The following ZSWIM8 variants were observed in gnomAD, a reference collection of about 807,000 sequenced individuals.
ZSWIM8 encodes the protein zinc finger SWIM-type containing 8.
A neutral mutation model predicts 173.7 loss-of-function variants in ZSWIM8; 27 were observed. That is an observed-to-expected ratio of 0.16 (90% confidence interval 0.11 to 0.21). The LOEUF (loss-of-function observed/expected upper bound fraction) is 0.21. Among genes scored for constraint, ZSWIM8 ranks in the 10% least tolerant of loss-of-function variants. ZSWIM8 has a pLI of 1.00. For missense variants in ZSWIM8, 1,627 were observed against 2,428.8 expected (o/e 0.67, Z 6.94); for synonymous variants, 958 against 962.0 (o/e 1.00, Z 0.08).
Position 73,792,896 on chromosome 10 carries a change from A to G in ZSWIM8, c.2313+44A>G, listed in dbSNP as rs1390907685. The G allele has an allele frequency of 1.1e-5, 16 of 1,508,364 alleles. 1 individual carries two copies. In the East Asian group the frequency reaches 2.9e-4, roughly 28 times the overall value. 93.4% of individuals were successfully genotyped at this position (1,508,364 alleles called of 1,614,324 possible). Reference sequence around the variant, plus strand: ...GGAGGGCTGGGTGCTCCTTAGCCACAACTGGGAGGGGCTATCTAGCTCTAG... The same window carrying G: ...GGAGGGCTGGGTGCTCCTTAGCCACGACTGGGAGGGGCTATCTAGCTCTAG... On this transcript the variant is annotated intron_variant, in intron 10 of 25. Transcript: ENST00000604729. The surrounding 1 kb of genome is among the most constrained non-coding windows in gnomAD (Gnocchi z 4.3).
chr10:73,787,468 T>C (rs1206623181), intron 1 of ZSWIM8, among the ~76,000 whole-genome samples: 1 of 152,216 alleles, frequency 6.6e-6, no homozygotes, highest in Non-Finnish European at 1.5e-5. Context: ...ATGAAGATTG[T>C]TAACATATTG....
chr10:73,796,847 G>A lies in ZSWIM8; in HGVS notation c.3107G>A (p.Ser1036Asn). The change falls in exon 16 of 26, where the codon AGC (serine) becomes AAC (asparagine). Residue 1036 changes from serine (S) to asparagine (N), a missense_variant. Ser to Asn is a conservative substitution (Grantham distance 46). Around this residue, in one of 18 missense-constraint regions of ZSWIM8, gnomAD observed 163 missense variants for 193.2 expected, o/e 0.84. Coordinates refer to ENST00000604729, the MANE Select transcript of ZSWIM8 (RefSeq NM_001367799.1). ...PQTLSSFYSS[S>N]RPTTASQRSP... ...ACGCTGAGTTCTTTCTACTCATCTA[G>A]CCGCCCAACCACAGCCAGCCAGAGG... The A allele has an allele frequency of 6.2e-7, 1 of 1,614,040 alleles. No individual in the cohort carries two copies. The highest frequency in any genetic ancestry group is 1.1e-5 in the South Asian group (1 of 91,088).
chr10:73,798,938 C>G, intron 20 of ZSWIM8, 64 bp from the exon 21 acceptor site: 1 of 1,542,962 alleles, frequency 6.5e-7, no homozygotes, highest in Non-Finnish European at 8.8e-7. Flanking sequence ...ATTGGAATCT[C>G]ATCTAACACC....
intron 1 of ZSWIM8, among the ~76,000 whole-genome samples, chr10:73,787,403 T>A (rs1243701251): frequency 6.6e-6 from 1 of 152,166 alleles, no homozygotes; most frequent in East Asian, 1.9e-4. Context: ...AGTATGTGGG[T>A]GGTCTTGGGG....
intron 7 of ZSWIM8, 83 bp from the exon 8 acceptor site, chr10:73,790,892 C>G: frequency 7.6e-7 from 1 of 1,312,700 alleles, no homozygotes; most frequent in Non-Finnish European, 1.0e-6. Flanking sequence ...CCTCTATCTT[C>G]TGTATTTTGG....
In ZSWIM8 at chr10:73,796,863, C is replaced by A; in HGVS notation, c.3123C>A (p.Ala1041=). 1.2e-6 allele frequency: 2 copies of A among 1,614,060 alleles called. No homozygotes were observed. The highest frequency in any genetic ancestry group is 1.7e-6 in the Non-Finnish European group (2 of 1,179,896). Residue 1041 remains alanine, a synonymous_variant, in exon 16 of 26, where the codon GCC becomes GCA. Transcript: ENST00000604729. The part of the protein sequence containing the change: ...SFYSSSRPTT[A]SQRSPSKHGG... The stretch of plus-strand genomic sequence containing the variant: ...ACTCATCTAGCCGCCCAACCACAGC[C>A]AGCCAGAGGTCTCCTTCAAAGCACG...
chr10:73,794,691 A>T, intron 14 of ZSWIM8, 52 bp downstream of exon 14: 1 of 1,459,488 alleles, frequency 6.9e-7, no homozygotes, highest in African/African-American at 1.4e-5. Context: ...CTTGAAGGAC[A>T]TGAGACCTGT....
chr10:73,794,333 A>G lies in ZSWIM8; in HGVS notation c.2809+3A>G. Reference sequence around the variant, plus strand: ...CTTTGACGTTCTCTGTGCTCCAGGTATGATGCCTGACCCTACAGTAAGTGG... The same window carrying G: ...CTTTGACGTTCTCTGTGCTCCAGGTGTGATGCCTGACCCTACAGTAAGTGG... On this transcript the variant is annotated splice_donor_region_variant and intron_variant, in intron 13 of 25. Coordinates refer to ENST00000604729, the MANE Select transcript of ZSWIM8 (RefSeq NM_001367799.1). The G allele has an allele frequency of 1.9e-6, 3 of 1,613,450 alleles. No homozygotes were observed. Among genetic ancestry groups the G allele is most frequent in the Non-Finnish European group, 1.7e-6 (2 of 1,179,618 alleles).
rs2083201169 is a variant in ZSWIM8, at chr10:73,785,920, C to T, written c.42C>T (p.Phe14=). 3.2e-6 allele frequency: 5 copies of T among 1,551,304 alleles called. No homozygotes were observed. Among genetic ancestry groups the T allele is most frequent in the South Asian group, 1.2e-5 (1 of 83,906 alleles). Residue 14 remains phenylalanine, a synonymous_variant, in exon 1 of 26, where the codon TTC becomes TTT. Transcript: ENST00000604729. ...MFAEWEDGER[F]SFEDSDRFEE... ...CAGAGTGGGAGGACGGAGAGCGCTT[C>T]TCATTCGAGGATTCGGACCGTTTTG...
In ZSWIM8 at chr10:73,792,732, G is replaced by A. The variant is rs542136024; in HGVS notation, c.2193G>A (p.Ala731=). Reference sequence around the variant, plus strand: ...GAGAGGAGGATGATGACTACCAGGCGTACTATCTGAATGCCCAGGATGGGG... The same window carrying A: ...GAGAGGAGGATGATGACTACCAGGCATACTATCTGAATGCCCAGGATGGGG... The part of the protein sequence containing the change: ...AVGEEDDDYQ[A]YYLNAQDGAG... The change falls in exon 10 of 26, where the codon GCG becomes GCA. Residue 731 remains alanine (A), a synonymous_variant. Transcript: ENST00000604729. This position sits in a 1 kb window ranked among gnomAD's most constrained non-coding sequence, Gnocchi z 4.3. The A allele has an allele frequency of 7.6e-5, 123 of 1,613,652 alleles. 1 individual carries two copies. The South Asian group carries it at 1.1e-3, about 15-fold the overall frequency.
chr10:73,788,131 G>A (rs1330362680), intron 1 of ZSWIM8, among the ~76,000 whole-genome samples: 8 of 151,832 alleles, frequency 5.3e-5, no homozygotes, highest in South Asian at 2.1e-4. Flanking sequence ...TCATTTAGGC[G>A]CGCCAAAAGT....
At position 73,797,366 on chromosome 10, in the gene ZSWIM8, T is replaced by C. The variant is rs2083716872; in HGVS notation, c.3434-11T>C. 2 of 1,613,636 alleles carry C rather than the reference T, an allele frequency of 1.2e-6. No homozygotes were observed. Among genetic ancestry groups the C allele is most frequent in the Non-Finnish European group, 1.7e-6 (2 of 1,179,660 alleles). On this transcript the variant is annotated splice_polypyrimidine_tract_variant and intron_variant, in intron 17 of 25. Coordinates refer to ENST00000604729, the MANE Select transcript of ZSWIM8 (RefSeq NM_001367799.1). This position sits in a 1 kb window ranked among gnomAD's most constrained non-coding sequence, Gnocchi z 5.6. ...TCCTGACTTCTGAGACTGACTTCTCTTGGGGGTTAGGCATGGCCAGCATTG... is the reference window on the plus strand; with the variant it reads ...TCCTGACTTCTGAGACTGACTTCTCCTGGGGGTTAGGCATGGCCAGCATTG...
In ZSWIM8 at chr10:73,799,151, G is replaced by A; in HGVS notation, c.4326G>A (p.Gly1442=). The part of the protein sequence containing the change: ...TAGGSSTARE[G]ATSCSASGIR... ...GTGGCTCATCCACAGCCCGTGAAGG[G>A]GCTACAAGCTGTAGTGCCAGTGGGA... The change falls in exon 21 of 26, where the codon GGG becomes GGA. Residue 1442 remains glycine (G), a synonymous_variant. Coordinates refer to ENST00000604729, the MANE Select transcript of ZSWIM8 (RefSeq NM_001367799.1). 6.2e-7 allele frequency: 1 copy of A among 1,612,850 alleles called. No individual in the cohort carries two copies. Among genetic ancestry groups the A allele is most frequent in the South Asian group, 1.1e-5 (1 of 90,890 alleles).
At position 73,792,459 on chromosome 10, in the gene ZSWIM8, C is replaced by T. The variant is rs1333788564; in HGVS notation, c.1920C>T (p.Phe640=). Residue 640 remains phenylalanine (F), a synonymous_variant, in exon 10 of 26, where the codon TTC becomes TTT. Coordinates refer to ENST00000604729, the MANE Select transcript of ZSWIM8 (RefSeq NM_001367799.1). This position sits in a 1 kb window ranked among gnomAD's most constrained non-coding sequence, Gnocchi z 4.3. ...CAGAGGCCAGCACCTTCGGGGGATT[C>T]CCTGAGAGCCCTCCACCCTGTCCTC... ...LGAEASTFGG[F]PESPPPCPLH... is the part of the protein sequence containing the mutation. The T allele has an allele frequency of 6.2e-7, 1 of 1,608,650 alleles. No individual in the cohort carries two copies. Among genetic ancestry groups the T allele is most frequent in the Admixed American group, 1.7e-5 (1 of 59,018 alleles).
chr10:73,792,043 A>G lies in ZSWIM8; in HGVS notation c.1504A>G (p.Arg502Gly). Residue 502 changes from arginine (R) to glycine (G), a missense_variant, in exon 10 of 26, where the codon AGG becomes GGG. By Grantham distance (125) the Arg-to-Gly change is moderately radical (BLOSUM62 -2). Around this residue, in one of 18 missense-constraint regions of ZSWIM8, gnomAD observed 383 missense variants for 394.8 expected, o/e 0.97. Coordinates refer to ENST00000604729, the MANE Select transcript of ZSWIM8 (RefSeq NM_001367799.1). The surrounding 1 kb of genome is among the most constrained non-coding windows in gnomAD (Gnocchi z 4.3). ...TGGTGTCACCTACAGCGGCACTGAC[A>G]GGAAGCTGGCACTGTGCTGGGCCCG... ...LPGVTYSGTD[R>G]KLALCWARAL... The G allele has an allele frequency of 3.2e-6, 5 of 1,547,766 alleles. No individual in the cohort carries two copies. Among genetic ancestry groups the G allele is most frequent in the Non-Finnish European group, 4.4e-6 (5 of 1,144,362 alleles).
Position 73,801,613 on chromosome 10 carries a change from CCTCA to C in ZSWIM8, c.*99_*102del, listed in dbSNP as rs2083968446. 6.5e-7 allele frequency: 1 copy of C among 1,546,478 alleles called. No individual in the cohort carries two copies. Among genetic ancestry groups the C allele is most frequent in the Non-Finnish European group, 8.7e-7 (1 of 1,151,074 alleles). On this transcript the variant is annotated 3_prime_UTR_variant, in exon 26 of 26. Coordinates refer to ENST00000604729, the MANE Select transcript of ZSWIM8 (RefSeq NM_001367799.1). The surrounding 1 kb of genome is among the most constrained non-coding windows in gnomAD (Gnocchi z 4.9). ...AGTGAAACTTGGCTGGACAGATCAT[CCTCA>C]CTCAGTTCCCTGGTAGCACAGACTG... is the stretch of plus-strand genomic sequence containing the variant.
At position 73,792,660 on chromosome 10, in the gene ZSWIM8, G is replaced by A. The variant is rs1426496438; in HGVS notation, c.2121G>A (p.Glu707=). 3 of 1,613,912 alleles carry A rather than the reference G, an allele frequency of 1.9e-6. No individual in the cohort carries two copies. Among genetic ancestry groups the A allele is most frequent in the Non-Finnish European group, 2.5e-6 (3 of 1,179,910 alleles). ...AGGACGACCTCCCTTCTACAGATGA[G>A]AGTGGCAATGGGCTTCCCAAAACCA... The part of the protein sequence containing the change: ...CTQDDLPSTD[E]SGNGLPKTKE... Residue 707 remains glutamate (E), a synonymous_variant, in exon 10 of 26, where the codon GAG becomes GAA. Transcript: ENST00000604729. This position sits in a 1 kb window ranked among gnomAD's most constrained non-coding sequence, Gnocchi z 4.3.
chr10:73,800,795 C>G lies in ZSWIM8; in HGVS notation c.5122+36C>G, dbSNP rs201658494. On this transcript the variant is annotated intron_variant, in intron 24 of 25. Coordinates refer to ENST00000604729, the MANE Select transcript of ZSWIM8 (RefSeq NM_001367799.1). The surrounding 1 kb of genome is among the most constrained non-coding windows in gnomAD (Gnocchi z 4.1). The stretch of plus-strand genomic sequence containing the variant: ...CCCTCCCTAGGACCATTGCCCCCCC[C>G]CCACCTGCTCTCCCCACCTTCCTTA... 237 of 1,467,118 alleles carry G rather than the reference C, an allele frequency of 1.6e-4. No homozygotes were observed. Among genetic ancestry groups the G allele is most frequent in the African/African-American group, 1.5e-3 (107 of 72,178 alleles). 90.9% of individuals were successfully genotyped at this position (1,467,118 alleles called of 1,614,324 possible). A position where few individuals can be genotyped will look rare whatever the true frequency, so the allele number is the denominator to read the frequency against.
At position 73,791,869 on chromosome 10, in the gene ZSWIM8, C is replaced by A; in HGVS notation, c.1330C>A (p.Leu444Met). ...CCCTTGTTCCCACAGGCGCCGGGAA[C>A]TGTGTACGCAGCTGCGGCAGTGGCA... The part of the protein sequence containing the change: ...PALSPQRRRE[L>M]CTQLRQWQLK... Residue 444 changes from leucine (L) to methionine (M), a missense_variant, in exon 10 of 26, where the codon CTG (leucine) becomes ATG (methionine). Leu to Met is a conservative substitution (Grantham distance 15, BLOSUM62 2). Around this residue, in one of 18 missense-constraint regions of ZSWIM8, gnomAD observed 103 missense variants for 155.6 expected, o/e 0.66. Transcript: ENST00000604729. This position sits in a 1 kb window ranked among gnomAD's most constrained non-coding sequence, Gnocchi z 6.0. The A allele has an allele frequency of 6.6e-7, 1 of 1,520,668 alleles. No homozygotes were observed. The highest frequency in any genetic ancestry group is 1.2e-5 in the South Asian group (1 of 80,364). 94.2% of individuals were successfully genotyped at this position (1,520,668 alleles called of 1,614,324 possible).
Sources: gnomAD v4.1 joint callset for allele counts (sites outside exome capture counted in the v4.1 genomes callset) on GRCh38, gnomAD v4.1.1 for gene constraint, gnomAD v4.1.1 regional missense constraint, Gnocchi (gnomAD v3.1) non-coding constraint, MANE v1.5 for transcripts, NCBI Gene and HGNC (gene_info 2026-07-23, HGNC 2026-07-21) for gene names.